The following ZW10 variants were observed in gnomAD, a reference collection of about 807,000 sequenced individuals.
ZW10 encodes the protein zw10 kinetochore protein.
A neutral mutation model predicts 87.8 loss-of-function variants in ZW10; 53 were observed. The ratio of observed to expected loss-of-function variants is 0.60; its 90% CI spans 0.48 to 0.76. ZW10 has a LOEUF of 0.76. Among genes scored for constraint, ZW10 ranks in the 30% least tolerant of loss-of-function variants. The probability of loss-of-function intolerance (pLI) is 0.00; values close to 1 mark genes in which losing one functional copy is unlikely to be tolerated. For synonymous variants in ZW10, 312 were observed against 329.2 expected (o/e 0.95, Z 0.57); for missense variants, 837 against 923.0 (o/e 0.91, Z 1.21).
intron 13 of ZW10, 111 bp downstream of exon 13, chr11:113,738,153 G>C: frequency 8.1e-7 from 1 of 1,227,868 alleles, no homozygotes; most frequent in Non-Finnish European, 1.1e-6. Flanking sequence ...TGGGGGTGCA[G>C]GGAATCAACT....
chr11:113,760,691 TAAA>T (rs56870346), intron 3 of ZW10, 101 bp from the exon 4 acceptor site: 104 of 747,720 alleles, frequency 1.4e-4, no homozygotes, highest in Admixed American at 2.8e-4. Context: ...CTCCCCCCTC[TAAA>T]AAAAAAAAAA....
chr11:113,773,685 C>G lies in ZW10; in HGVS notation c.-19G>C, dbSNP rs577225385. ...AGGCCATGGCCAAGACGGGAACCAACGCTGACTGGGTCACTCTCGTAGCCA... is the reference window on the plus strand; with the variant it reads ...AGGCCATGGCCAAGACGGGAACCAAGGCTGACTGGGTCACTCTCGTAGCCA... On this transcript the variant is annotated 5_prime_UTR_variant, in exon 1 of 16. Coordinates refer to ENST00000200135, the MANE Select transcript of ZW10 (RefSeq NM_004724.4). 24 of 1,608,736 alleles carry G rather than the reference C, an allele frequency of 1.5e-5. No homozygotes were observed. The South Asian group carries it at 1.9e-4, about 13-fold the overall frequency.
intron 1 of ZW10, among the ~76,000 whole-genome samples, 158 bp downstream of exon 1, chr11:113,773,404 C>G (rs1002985301): frequency 6.6e-6 from 1 of 152,104 alleles, no homozygotes; most frequent in Non-Finnish European, 1.5e-5. Context: ...CTGGGCCCCT[C>G]CACTCCTCAT....
At chr11:113,761,707 CATTT>C (rs1487896978) in intron 2 of ZW10, among the ~76,000 whole-genome samples, 2 of 152,146 alleles carry the variant, frequency 1.3e-5, no homozygotes, top group African/African-American at 2.4e-5. Context: ...TATCTTCATT[CATTT>C]GTGAAATATA....
At chr11:113,736,568 C>A (rs1269423759) in intron 15 of ZW10, 52 bp downstream of exon 15, 2 of 1,584,148 alleles carry the variant, frequency 1.3e-6, no homozygotes, top group African/African-American at 2.7e-5. Flanking sequence ...GGCACTATTA[C>A]TCTCTTGTAG....
At chr11:113,770,757 G>A (rs866249570) in intron 1 of ZW10, among the ~76,000 whole-genome samples, 5 of 151,020 alleles carry the variant, frequency 3.3e-5, no homozygotes, top group Middle Eastern at 3.4e-3. Context: ...GGCAGAGATT[G>A]CAGTGAGCCA....
intron 5 of ZW10, among the ~76,000 whole-genome samples, chr11:113,759,900 T>C (rs1312703988): frequency 2.6e-5 from 4 of 152,152 alleles, no homozygotes; most frequent in Admixed American, 2.0e-4. Flanking sequence ...GGAAACTTAA[T>C]GTGGTCGCAA....
chr11:113,760,581 C>G lies in ZW10; in HGVS notation c.352G>C (p.Ala118Pro). The G allele has an allele frequency of 6.2e-7, 1 of 1,610,392 alleles. No homozygotes were observed. The highest frequency in any genetic ancestry group is 8.5e-7 in the Non-Finnish European group (1 of 1,177,818). ...LLKQLQEFST[A>P]IEEYNCALTE... ...AATGCACAATTATATTCTTCAATAG[C>G]AGTGGAAAACTGAAAAGTTAAGTAT... The change falls in exon 4 of 16, where the codon GCT becomes CCT. Residue 118 changes from alanine (A) to proline (P), a missense_variant. By Grantham distance (27) the Ala-to-Pro change is conservative (BLOSUM62 -1). Coordinates refer to ENST00000200135, the MANE Select transcript of ZW10 (RefSeq NM_004724.4).
chr11:113,742,435 C>T (rs751630958), intron 10 of ZW10, among the ~76,000 whole-genome samples: 1 of 151,936 alleles, frequency 6.6e-6, no homozygotes, highest in Non-Finnish European at 1.5e-5. Context: ...TAAGTCATAC[C>T]CAAAAACCCT....
intron 7 of ZW10, among the ~76,000 whole-genome samples, chr11:113,755,782 AACC>A (rs1408168740): frequency 6.6e-6 from 1 of 152,226 alleles, no homozygotes; most frequent in African/African-American, 2.4e-5. Flanking sequence ...AACCTTCAGC[AACC>A]ACCATCCTGA....
intron 2 of ZW10, among the ~76,000 whole-genome samples, chr11:113,764,772 G>A (rs1381477055): frequency 2.0e-5 from 3 of 152,150 alleles, no homozygotes; most frequent in Non-Finnish European, 4.4e-5. Context: ...GTATTTAACA[G>A]TACTGTGTTA....
rs1261352747 is a variant in ZW10 at position 113,743,974 on chromosome 11, C to T, written c.1339G>A (p.Val447Ile). 1.9e-6 allele frequency: 3 copies of T among 1,614,228 alleles called. No individual in the cohort carries two copies. The highest frequency in any genetic ancestry group is 3.3e-5 in the Admixed American group (2 of 60,032). ...PTPDEDNKLE[V>I]QKVSNTQYHE... ...TACTGAGTATTGGATACTTTCTGTACTTCCAGTTTGTTATCCTCATCAGGA... is the reference window on the plus strand; with the variant it reads ...TACTGAGTATTGGATACTTTCTGTATTTCCAGTTTGTTATCCTCATCAGGA... The change falls in exon 10 of 16, where the codon GTA becomes ATA. Residue 447 changes from valine (V) to isoleucine (I), a missense_variant. Coordinates refer to ENST00000200135, the MANE Select transcript of ZW10 (RefSeq NM_004724.4).
At chr11:113,743,699 A>G in intron 10 of ZW10, 103 bp downstream of exon 10, 1 of 913,746 alleles carries the variant, frequency 1.1e-6, no homozygotes, top group Non-Finnish European at 1.7e-6. Flanking sequence ...AACTTCTAGG[A>G]TATGAAAACC....
At chr11:113,768,712 T>C (rs1953931644) in intron 2 of ZW10, 121 bp downstream of exon 2, 1 of 1,023,320 alleles carries the variant, frequency 9.8e-7, no homozygotes, top group South Asian at 1.8e-5. Context: ...TTTAGTTCAA[T>C]CTCCATTTAC....
chr11:113,760,130 A>G, intron 5 of ZW10, 79 bp downstream of exon 5: 1 of 1,490,654 alleles, frequency 6.7e-7, no homozygotes. Context: ...ATCTACTAAT[A>G]CAAAAATGTA....
intron 1 of ZW10, among the ~76,000 whole-genome samples, chr11:113,772,253 C>T (rs1953974986): frequency 6.6e-6 from 1 of 152,186 alleles, no homozygotes; most frequent in Non-Finnish European, 1.5e-5. Flanking sequence ...GGGTCCAGAA[C>T]ACGCAGGAGC....
chr11:113,764,912 A>G (rs1015327697), intron 2 of ZW10, among the ~76,000 whole-genome samples: 2 of 152,122 alleles, frequency 1.3e-5, no homozygotes, highest in African/African-American at 4.8e-5. Context: ...CACTCCGTAT[A>G]TATTGATACT....
In ZW10 at chr11:113,773,690, A is replaced by C; in HGVS notation, c.-24T>G. On this transcript the variant is annotated 5_prime_UTR_variant, in exon 1 of 16. Coordinates refer to ENST00000200135, the MANE Select transcript of ZW10 (RefSeq NM_004724.4). ...ATGGCCAAGACGGGAACCAACGCTG[A>C]CTGGGTCACTCTCGTAGCCAGCGCC... The C allele has an allele frequency of 6.2e-7, 1 of 1,603,950 alleles. No homozygotes were observed. Among genetic ancestry groups the C allele is most frequent in the Admixed American group, 1.7e-5 (1 of 59,804 alleles).
Position 113,747,571 on chromosome 11 carries a change from G to A in ZW10, c.1232C>T (p.Ala411Val), listed in dbSNP as rs1591413548. Residue 411 changes from alanine to valine, a missense_variant, in exon 9 of 16, where the codon GCC becomes GTC. By Grantham distance (64) the Ala-to-Val change is moderately conservative. Coordinates refer to ENST00000200135, the MANE Select transcript of ZW10 (RefSeq NM_004724.4). Reference sequence around the variant, plus strand: ...AATTTCTGAGGTCATTAGATTTCTGGCTGCCACAATCACATCCTGGCACTT... The same window carrying A: ...AATTTCTGAGGTCATTAGATTTCTGACTGCCACAATCACATCCTGGCACTT... ...NKKCQDVIVA[A>V]RNLMTSEIHN... is the part of the protein sequence containing the mutation. 6.2e-7 allele frequency: 1 copy of A among 1,613,292 alleles called. No individual in the cohort carries two copies. Among genetic ancestry groups the A allele is most frequent in the Non-Finnish European group, 8.5e-7 (1 of 1,179,550 alleles).
Sources: gnomAD v4.1 joint callset for allele counts (sites outside exome capture counted in the v4.1 genomes callset) on GRCh38, gnomAD v4.1.1 for gene constraint, MANE v1.5 for transcripts, NCBI Gene and HGNC (gene_info 2026-07-23, HGNC 2026-07-21) for gene names.